The following DMD variants were observed in gnomAD, a reference collection of about 807,000 sequenced individuals.
DMD encodes dystrophin.
In DMD, 63 loss-of-function variants were observed where a neutral mutation model predicts 330.1. That is an observed-to-expected ratio of 0.19 (90% CI 0.16 to 0.24). DMD has a LOEUF of 0.24. DMD is among the 10% of genes least tolerant of loss of function. The probability of loss-of-function intolerance (pLI) is 1.00; values close to 1 mark genes in which losing one functional copy is unlikely to be tolerated. For synonymous variants in DMD, 1,223 were observed against 959.8 expected (o/e 1.27, Z -5.07); for missense variants, 3,344 against 2,684.1 (o/e 1.25, Z -5.43).
chrX:32,827,074 C>A lies in DMD; in HGVS notation c.265-3687G>T, dbSNP rs988902417. Among the ~76,000 whole-genome samples the A allele has an allele frequency of 2.6e-3, 238 of 92,737 alleles. 4 individuals carry two copies. Among genetic ancestry groups the A allele is most frequent in the African/African-American group, 9.2e-3 (216 of 23,574 alleles). 80.5% of individuals were successfully genotyped at this position (92,737 alleles called of 115,157 possible). The stretch of plus-strand genomic sequence containing the variant: ...ACATCGCACCCCCCCCCCACACACA[C>A]ACACACACAGCAGCAGCCACAGATA... On this transcript the variant is annotated intron_variant, in intron 4 of 78. Coordinates refer to ENST00000357033, the MANE Select transcript of DMD (RefSeq NM_004006.3).
intron 1 of DMD, among the ~76,000 whole-genome samples, chrX:33,047,867 T>C (rs1411597051): frequency 8.9e-6 from 1 of 112,253 alleles, no homozygotes; most frequent in Non-Finnish European, 1.9e-5. Context: ...CAATTCTCTG[T>C]GAATTTCATT....
intron 60 of DMD, among the ~76,000 whole-genome samples, chrX:31,370,133 T>A (rs1435668899): frequency 1.8e-5 from 2 of 108,352 alleles, no homozygotes; most frequent in Non-Finnish European, 3.8e-5. Flanking sequence ...GAGAAAATCT[T>A]TGGGATCCAG....
intron 60 of DMD, among the ~76,000 whole-genome samples, chrX:31,366,460 C>T (rs1269044534): frequency 1.8e-5 from 1 of 54,592 alleles, no homozygotes; most frequent in Non-Finnish European, 3.0e-5. Flanking sequence ...GATCCACTCT[C>T]TCTCTCTCTC....
chrX:33,078,079 G>T (rs1396488751), intron 1 of DMD, among the ~76,000 whole-genome samples: 2 of 111,575 alleles, frequency 1.8e-5, no homozygotes, highest in Admixed American at 9.5e-5. Context: ...CCCAGCCATG[G>T]GTTTGTACCC....
chrX:31,327,681 C>T (rs1367746558), intron 61 of DMD, among the ~76,000 whole-genome samples: 1 of 111,702 alleles, frequency 9.0e-6, no homozygotes, highest in Non-Finnish European at 1.9e-5. Context: ...ATACAGCAAT[C>T]ACTGGAGGTA....
chrX:31,455,968 C>G (rs2066128265), intron 59 of DMD, among the ~76,000 whole-genome samples: 2 of 111,593 alleles, frequency 1.8e-5, no homozygotes, highest in African/African-American at 3.3e-5. Context: ...CCGGGGATCT[C>G]TTCAAAAACA....
intron 9 of DMD, among the ~76,000 whole-genome samples, chrX:32,648,183 C>G (rs958567538): frequency 8.9e-6 from 1 of 111,829 alleles, no homozygotes; most frequent in Non-Finnish European, 1.9e-5. Context: ...TACTCAAATT[C>G]TGAACCTAAA....
chrX:32,695,401 T>A (rs1273364945), intron 9 of DMD, among the ~76,000 whole-genome samples: 1 of 111,740 alleles, frequency 8.9e-6, no homozygotes, highest in Non-Finnish European at 1.9e-5. Context: ...GTAATTTGGT[T>A]GAAGGAACAT....
rs79946553 is a variant in DMD, at chrX:33,047,136, C to T, written c.32-26936G>A. On this transcript the variant is annotated intron_variant, in intron 1 of 78. Transcript: ENST00000357033. ...GTAACTGCCCAAGTTCATATAGCTA[C>T]TTTGCAGTAGATGAGCACAAATTGA... Among the ~76,000 whole-genome samples, 3 of 111,835 alleles carry T rather than the reference C, an allele frequency of 2.7e-5. No homozygotes were observed. The East Asian group carries it at 8.5e-4, about 32-fold the overall frequency.
At chrX:31,155,993 TA>T (rs370757028) in intron 74 of DMD, among the ~76,000 whole-genome samples, 11 of 106,348 alleles carry the variant, frequency 1.0e-4, no homozygotes, top group East Asian at 5.8e-4. Flanking sequence ...AGACTCCATT[TA>T]AAAAAAAAAG....
At chrX:31,935,807 G>A (rs776707064) in intron 45 of DMD, among the ~76,000 whole-genome samples, 4 of 110,797 alleles carry the variant, frequency 3.6e-5, no homozygotes, top group African/African-American at 1.3e-4. Context: ...AAAAATTTAA[G>A]GAGCAGGAAA....
At chrX:32,753,618 C>T (rs2071104856) in intron 7 of DMD, among the ~76,000 whole-genome samples, 1 of 112,022 alleles carries the variant, frequency 8.9e-6, no homozygotes, top group Non-Finnish European at 1.9e-5. Context: ...TTCTTAAAAT[C>T]TGACACAAAT....
chrX:31,468,232 T>C (rs1306846585), intron 59 of DMD, among the ~76,000 whole-genome samples: 1 of 112,160 alleles, frequency 8.9e-6, no homozygotes, highest in Non-Finnish European at 1.9e-5. Context: ...TGCTCTTGCT[T>C]CTCTACTTCT....
At chrX:33,134,386 G>A (rs2095514668) in intron 1 of DMD, among the ~76,000 whole-genome samples, 1 of 111,709 alleles carries the variant, frequency 9.0e-6, no homozygotes, top group Admixed American at 9.6e-5. Flanking sequence ...ACGTGAGTCA[G>A]TAACCCCTGA....
intron 7 of DMD, among the ~76,000 whole-genome samples, chrX:32,707,638 G>A (rs187973520): frequency 5.4e-5 from 6 of 111,607 alleles, no homozygotes; most frequent in African/African-American, 2.0e-4. Flanking sequence ...TGTCTCTTCC[G>A]TCACAATTGT....
chrX:31,909,518 GA>G (rs775462001), intron 47 of DMD, among the ~76,000 whole-genome samples: 2,244 of 55,990 alleles, frequency 0.04, 26 homozygotes, highest in African/African-American at 0.049. Context: ...AGAGAAATGT[GA>G]AAAAAAAAAA....
chrX:32,740,930 T>A (rs971831655), intron 7 of DMD, among the ~76,000 whole-genome samples: 2 of 111,736 alleles, frequency 1.8e-5, no homozygotes, highest in African/African-American at 6.5e-5. Flanking sequence ...TATTTATGAC[T>A]CTAAAACTTA....
At chrX:32,521,205 C>A (rs1370189752) in intron 17 of DMD, among the ~76,000 whole-genome samples, 2 of 112,189 alleles carry the variant, frequency 1.8e-5, no homozygotes, top group Non-Finnish European at 3.8e-5. Context: ...GAGTCTCACT[C>A]TGTCACCAGG....
intron 2 of DMD, among the ~76,000 whole-genome samples, chrX:33,012,665 G>A (rs1391574157): frequency 1.8e-5 from 2 of 111,364 alleles, no homozygotes; most frequent in South Asian, 3.7e-4. Flanking sequence ...TTCACTTTCA[G>A]TACAGTATTC....
Sources: gnomAD v4.1 joint callset for allele counts (sites outside exome capture counted in the v4.1 genomes callset) on GRCh38, gnomAD v4.1.1 for gene constraint, MANE v1.5 for transcripts, NCBI Gene and HGNC (gene_info 2026-07-23, HGNC 2026-07-21) for gene names.